The following CPEB1 variants were observed in gnomAD, a reference collection of about 807,000 sequenced individuals.
CPEB1 encodes cytoplasmic polyadenylation element-binding protein 1.
In CPEB1, 7 loss-of-function variants were observed where a neutral mutation model predicts 65.8. The observed-to-expected ratio is 0.11, with a 90% CI of 0.06 to 0.20. The LOEUF is 0.20. Among genes scored for constraint, CPEB1 ranks in the 10% least tolerant of loss-of-function variants. The pLI is 1.00. For missense variants in CPEB1, 551 were observed against 712.2 expected (o/e 0.77, Z 2.58); for synonymous variants, 262 against 260.0 (o/e 1.01, Z -0.08).
intron 3 of CPEB1, 143 bp downstream of exon 3, chr15:82,627,050 A>C: frequency 1.7e-6 from 1 of 601,732 alleles, no homozygotes; most frequent in Non-Finnish European, 2.7e-6. Flanking sequence ...TTCAATCCAT[A>C]AACTAAACCA....
intron 1 of CPEB1, among the ~76,000 whole-genome samples, chr15:82,642,452 C>T (rs963841988): frequency 2.6e-5 from 4 of 152,184 alleles, no homozygotes; most frequent in African/African-American, 9.7e-5. Context: ...GAGGCTGAGG[C>T]TGAAGGATCC....
At chr15:82,624,066 G>A (rs1370164096) in intron 3 of CPEB1, among the ~76,000 whole-genome samples, 1 of 152,060 alleles carries the variant, frequency 6.6e-6, no homozygotes. Flanking sequence ...ATTTCTTAAG[G>A]TTCTTCATAG....
chr15:82,627,499 G>GT, intron 2 of CPEB1, 132 bp from the exon 3 acceptor site: 4 of 625,458 alleles, frequency 6.4e-6, no homozygotes, highest in Non-Finnish European at 1.0e-5. Flanking sequence ...CTTAATGAGT[G>GT]TTTACTATGA....
intron 1 of CPEB1, 151 bp downstream of exon 1, chr15:82,646,986 G>A (rs1164451557): frequency 6.5e-6 from 1 of 152,708 alleles, no homozygotes; most frequent in Admixed American, 6.5e-5. Flanking sequence ...CCGGCACTGA[G>A]GAGAATGACC....
chr15:82,596,363 G>GA (rs574080384), intron 3 of CPEB1, among the ~76,000 whole-genome samples: 9 of 151,724 alleles, frequency 5.9e-5, no homozygotes, highest in African/African-American at 1.7e-4. Flanking sequence ...TTCCATCTGA[G>GA]AAAAAAAAGC....
intron 7 of CPEB1, 37 bp downstream of exon 7, chr15:82,553,841 C>A (rs1236287071): frequency 3.6e-6 from 5 of 1,390,148 alleles, no homozygotes; most frequent in Non-Finnish European, 4.1e-6. Flanking sequence ...CATGCCCCAC[C>A]CTTCAACTCT....
intron 3 of CPEB1, among the ~76,000 whole-genome samples, chr15:82,616,009 C>A (rs1258560802): frequency 6.6e-6 from 1 of 151,866 alleles, no homozygotes; most frequent in Non-Finnish European, 1.5e-5. Context: ...AATATTACTA[C>A]AAAGCAATTA....
intron 3 of CPEB1, among the ~76,000 whole-genome samples, chr15:82,579,837 G>A (rs918262939): frequency 2.1e-5 from 3 of 144,602 alleles, no homozygotes; most frequent in East Asian, 2.1e-4. Flanking sequence ...GCGTGAACCC[G>A]GGAAGCGGAG....
At chr15:82,571,903 T>G in intron 3 of CPEB1, 1 of 1,007,152 alleles carries the variant, frequency 9.9e-7, no homozygotes, top group Non-Finnish European at 1.2e-6. Flanking sequence ...GAGACTTGCC[T>G]CCCAGGGAAA....
chr15:82,611,887 T>TA (rs1000180361), intron 3 of CPEB1, among the ~76,000 whole-genome samples: 2 of 151,184 alleles, frequency 1.3e-5, no homozygotes, highest in East Asian at 1.9e-4. Context: ...AAGTTTATTT[T>TA]AAAAAAAAGA....
chr15:82,562,040 T>C lies in CPEB1; in HGVS notation c.461-4054A>G, dbSNP rs1444311142. On this transcript the variant is annotated intron_variant, in intron 4 of 12. Coordinates refer to ENST00000684509, the MANE Select transcript of CPEB1 (RefSeq NM_001365242.1). ...CCAAATCCTAAGAAGTGGCTGTTAC[T>C]ACTGCATCTTAACAAAAGGAAACCA... 8.2e-6 allele frequency: 3 copies of C among 365,054 alleles called. No individual in the cohort carries two copies. The Admixed American group carries it at 1.1e-4, about 14-fold the overall frequency. 22.6% of individuals were successfully genotyped at this position (365,054 alleles called of 1,614,324 possible).
chr15:82,624,656 G>A (rs1484830566), intron 3 of CPEB1, among the ~76,000 whole-genome samples: 1 of 152,096 alleles, frequency 6.6e-6, no homozygotes, highest in African/African-American at 2.4e-5. Context: ...TGGGCTCCCT[G>A]GACAGCTGCA....
At chr15:82,646,758 G>A (rs2047578841) in intron 1 of CPEB1, among the ~76,000 whole-genome samples, 1 of 152,214 alleles carries the variant, frequency 6.6e-6, no homozygotes, top group Non-Finnish European at 1.5e-5. Context: ...CTCGACCGCT[G>A]AGGAACCCAT....
At chr15:82,587,908 ATTTTG>A (rs1051262511) in intron 3 of CPEB1, among the ~76,000 whole-genome samples, 19 of 149,286 alleles carry the variant, frequency 1.3e-4, no homozygotes, top group African/African-American at 4.6e-4. Flanking sequence ...TAACGGCCAA[ATTTTG>A]TTTTGTTTTG....
rs114636971 is a variant in CPEB1 at position 82,620,545 on chromosome 15, C to G, written c.271+6648G>C. 7.1e-3 allele frequency among the ~76,000 whole-genome samples: 1,076 copies of G among 152,200 alleles called. 13 individuals carry two copies. Among genetic ancestry groups the G allele is most frequent in the African/African-American group, 0.024 (1,013 of 41,516 alleles). On this transcript the variant is annotated intron_variant, in intron 3 of 12. Coordinates refer to ENST00000684509, the MANE Select transcript of CPEB1 (RefSeq NM_001365242.1). Reference sequence around the variant, plus strand: ...GGGTGTGGTGGCTCATGCCTATAATCCCAACACTTTCGGAAGCCAAGGCAA... The same window carrying G: ...GGGTGTGGTGGCTCATGCCTATAATGCCAACACTTTCGGAAGCCAAGGCAA...
At chr15:82,581,718 CT>C (rs1195753673) in intron 3 of CPEB1, among the ~76,000 whole-genome samples, 1 of 152,114 alleles carries the variant, frequency 6.6e-6, no homozygotes, top group Non-Finnish European at 1.5e-5. Flanking sequence ...TTGCTGTTGC[CT>C]AATTCATGAA....
At chr15:82,612,732 G>A (rs1184310688) in intron 3 of CPEB1, among the ~76,000 whole-genome samples, 3 of 151,956 alleles carry the variant, frequency 2.0e-5, no homozygotes, top group African/African-American at 7.3e-5. Context: ...TACTCAGGAG[G>A]CTGAGGCAGG....
At chr15:82,609,148 C>T (rs1400926874) in intron 3 of CPEB1, among the ~76,000 whole-genome samples, 2 of 152,128 alleles carry the variant, frequency 1.3e-5, no homozygotes, top group African/African-American at 4.8e-5. Flanking sequence ...AAGAAACACA[C>T]CATACTAAAA....
chr15:82,644,304 A>G (rs996477023), intron 1 of CPEB1, among the ~76,000 whole-genome samples: 1 of 152,194 alleles, frequency 6.6e-6, no homozygotes, highest in African/African-American at 2.4e-5. Flanking sequence ...TACGCCACCA[A>G]TAACCCCTTG....
Sources: allele counts gnomAD v4.1 joint callset (sites outside exome capture counted in the v4.1 genomes callset), GRCh38; gene constraint gnomAD v4.1.1; transcripts MANE v1.5; gene names NCBI Gene and HGNC (gene_info 2026-07-23, HGNC 2026-07-21).